The following KSR2 variants were observed in gnomAD, a reference collection of about 807,000 sequenced individuals.
KSR2 encodes kinase suppressor of ras 2.
Under a neutral mutation model 107.8 loss-of-function variants are expected in KSR2, and 25 were observed. That is an observed-to-expected ratio of 0.23 (90% confidence interval 0.17 to 0.32). The LOEUF is 0.32. KSR2 is among the 10% of genes least tolerant of loss of function. The pLI, the probability that KSR2 is intolerant of heterozygous loss-of-function variation, is 1.00. For synonymous variants in KSR2, 480 were observed against 507.0 expected (o/e 0.95, Z 0.71); for missense variants, 887 against 1,268.9 (o/e 0.70, Z 4.57).
At chr12:117,527,635 T>A (rs1014818282) in intron 12 of KSR2, among the ~76,000 whole-genome samples, 5 of 152,174 alleles carry the variant, frequency 3.3e-5, no homozygotes, top group Non-Finnish European at 7.3e-5. Flanking sequence ...ATTTAATAGA[T>A]GTGTGTGCCA....
At chr12:117,522,405 A>G (rs1592952725) in intron 14 of KSR2, among the ~76,000 whole-genome samples, 1 of 152,082 alleles carries the variant, frequency 6.6e-6, no homozygotes, top group Non-Finnish European at 1.5e-5. Context: ...AATGGAGAGA[A>G]GGCCAGGGGT....
chr12:117,961,799 G>A lies in KSR2; in HGVS notation c.180+6277C>T, dbSNP rs79373057. Reference sequence around the variant, plus strand: ...TTTTCCAAACGAAATTAAGTTTAAAGATAGTTCATGACACAGCAATAGAAA... The same window carrying A: ...TTTTCCAAACGAAATTAAGTTTAAAAATAGTTCATGACACAGCAATAGAAA... On this transcript the variant is annotated intron_variant, in intron 1 of 19. Transcript: ENST00000339824. Among the ~76,000 whole-genome samples, 1,240 of 152,196 alleles carry A rather than the reference G, an allele frequency of 8.1e-3. 20 individuals are homozygous for A. Among genetic ancestry groups the A allele is most frequent in the African/African-American group, 0.028 (1,178 of 41,544 alleles).
intron 4 of KSR2, among the ~76,000 whole-genome samples, chr12:117,719,289 G>C (rs1049656496): frequency 2.6e-5 from 4 of 152,128 alleles, no homozygotes; most frequent in Non-Finnish European, 5.9e-5. Context: ...CTACCTCCCA[G>C]GTTCAAGCAG....
intron 5 of KSR2, among the ~76,000 whole-genome samples, chr12:117,620,881 T>A (rs914172308): frequency 5.9e-5 from 9 of 152,220 alleles, no homozygotes; most frequent in Non-Finnish European, 1.2e-4. Flanking sequence ...ATTCTGCTTA[T>A]ATATTCACTA....
chr12:117,660,169 C>A (rs973889239), intron 5 of KSR2, among the ~76,000 whole-genome samples: 1 of 152,182 alleles, frequency 6.6e-6, no homozygotes, highest in African/African-American at 2.4e-5. Context: ...GGCCCTGGTA[C>A]TGCCTTTCCT....
intron 3 of KSR2, among the ~76,000 whole-genome samples, chr12:117,818,253 A>AC (rs374531129): frequency 2.6e-5 from 4 of 152,104 alleles, no homozygotes; most frequent in Non-Finnish European, 5.9e-5. Context: ...AAGATTTCCT[A>AC]CCCCACTGAT....
intron 1 of KSR2, among the ~76,000 whole-genome samples, chr12:117,961,421 T>G (rs1484854238): frequency 6.6e-6 from 1 of 152,172 alleles, no homozygotes; most frequent in East Asian, 1.9e-4. Flanking sequence ...ACACTAACTT[T>G]GCAGCTTCTC....
chr12:117,589,928 GC>G (rs1219602040), intron 5 of KSR2, among the ~76,000 whole-genome samples: 1 of 152,170 alleles, frequency 6.6e-6, no homozygotes, highest in African/African-American at 2.4e-5. Flanking sequence ...GGCTATGGAG[GC>G]TTCCCTGGAA....
chr12:117,859,976 A>G (rs1893233594), intron 2 of KSR2, among the ~76,000 whole-genome samples: 1 of 152,244 alleles, frequency 6.6e-6, no homozygotes, highest in African/African-American at 2.4e-5. Flanking sequence ...CAGCACAGAT[A>G]GAAAATATTT....
At chr12:117,490,418 G>A (rs1002880832) in intron 14 of KSR2, among the ~76,000 whole-genome samples, 1 of 152,198 alleles carries the variant, frequency 6.6e-6, no homozygotes, top group Non-Finnish European at 1.5e-5. Context: ...CTAAGGATAA[G>A]AGTCTTACAA....
chr12:117,854,063 T>G (rs1893012835), intron 3 of KSR2, among the ~76,000 whole-genome samples: 1 of 152,116 alleles, frequency 6.6e-6, no homozygotes, highest in South Asian at 2.1e-4. Context: ...TGCAGCAGTG[T>G]GATCATAGCT....
At chr12:117,690,011 G>A (rs898780667) in intron 4 of KSR2, among the ~76,000 whole-genome samples, 1 of 151,986 alleles carries the variant, frequency 6.6e-6, no homozygotes, top group Admixed American at 6.6e-5. Flanking sequence ...AGATGGAAGA[G>A]AGAAAGAGAA....
chr12:117,534,895 G>A (rs949766729), intron 10 of KSR2, among the ~76,000 whole-genome samples: 89 of 152,128 alleles, frequency 5.9e-4, no homozygotes, highest in African/African-American at 2.1e-3. Context: ...GCTGGCAAAA[G>A]GCAAGGAGAT....
chr12:117,474,506 T>C (rs1164886223), intron 17 of KSR2, among the ~76,000 whole-genome samples: 1 of 149,692 alleles, frequency 6.7e-6, no homozygotes, highest in African/African-American at 2.5e-5. Context: ...CTAAGTCTAA[T>C]TGCACTCATC....
intron 5 of KSR2, among the ~76,000 whole-genome samples, chr12:117,599,003 G>A (rs897094783): frequency 6.6e-6 from 1 of 151,994 alleles, no homozygotes; most frequent in African/African-American, 2.4e-5. Context: ...ACAAGGGAAG[G>A]CGCCACCAGA....
intron 4 of KSR2, among the ~76,000 whole-genome samples, chr12:117,717,712 T>TGCGCGC (rs1555231272): frequency 1.2e-4 from 17 of 137,060 alleles, no homozygotes; most frequent in African/African-American, 4.2e-4. Flanking sequence ...TGTGTGTGTG[T>TGCGCGC]GCATGCGCGC....
intron 1 of KSR2, among the ~76,000 whole-genome samples, chr12:117,961,190 G>C (rs1294509191): frequency 6.6e-6 from 1 of 152,136 alleles, no homozygotes; most frequent in Non-Finnish European, 1.5e-5. Context: ...GCAAGCATAA[G>C]GGAATGCACT....
intron 4 of KSR2, among the ~76,000 whole-genome samples, chr12:117,714,634 C>T (rs562964783): frequency 6.6e-6 from 1 of 152,204 alleles, no homozygotes; most frequent in Non-Finnish European, 1.5e-5. Context: ...GGATTTGAAT[C>T]CAGTCTCTCT....
At chr12:117,794,225 A>ATG (rs1890480984) in intron 3 of KSR2, among the ~76,000 whole-genome samples, 1 of 113,958 alleles carries the variant, frequency 8.8e-6, no homozygotes, top group Non-Finnish European at 1.7e-5. Flanking sequence ...ATGCACACAC[A>ATG]CCAACATGCA....
Sources: allele counts gnomAD v4.1 joint callset (sites outside exome capture counted in the v4.1 genomes callset), GRCh38; gene constraint gnomAD v4.1.1; transcripts MANE v1.5; gene names NCBI Gene and HGNC (gene_info 2026-07-23, HGNC 2026-07-21).